Variants in MAGI1 observed in about 807,000 individuals in gnomAD.
MAGI1 encodes the protein membrane-associated guanylate kinase, WW and PDZ domain-containing protein 1.
MAGI1 carries 58 observed loss-of-function variants against 139.9 expected under a neutral mutation model. That is an observed-to-expected ratio of 0.41 (90% CI 0.34 to 0.52). The LOEUF is 0.52. Ranked by LOEUF, MAGI1 falls within the 20% of genes least tolerant of loss-of-function variation. The pLI is 0.12. For synonymous variants in MAGI1, 812 were observed against 737.9 expected, an observed-to-expected ratio of 1.10 and a Z score of -1.63; for missense variants, 1,874 against 1,901.6, an observed-to-expected ratio of 0.99 and a Z score of 0.27.
chr3:65,564,725 T>C (rs1292791982), intron 2 of MAGI1, among the ~76,000 whole-genome samples: 1 of 152,240 alleles, frequency 6.6e-6, no homozygotes, highest in Non-Finnish European at 1.5e-5. Context: ...CTAACAGTAC[T>C]CTAACCTGCA....
intron 2 of MAGI1, among the ~76,000 whole-genome samples, chr3:65,619,611 A>T (rs553401894): frequency 1.3e-5 from 2 of 152,282 alleles, no homozygotes; most frequent in South Asian, 2.1e-4. Flanking sequence ...GCATTCCCCA[A>T]ATCCACGGCT....
chr3:65,610,548 T>C (rs2082994780), intron 2 of MAGI1, among the ~76,000 whole-genome samples: 1 of 151,684 alleles, frequency 6.6e-6, no homozygotes, highest in Non-Finnish European at 1.5e-5. Context: ...AGTCACTAAT[T>C]AAGTGAACTT....
intron 3 of MAGI1, among the ~76,000 whole-genome samples, chr3:65,487,489 C>T (rs1951703481): frequency 6.6e-6 from 1 of 152,184 alleles, no homozygotes; most frequent in Non-Finnish European, 1.5e-5. Flanking sequence ...CAGGCTATGT[C>T]CCTAACTCCC....
chr3:65,991,267 G>A (rs55639643), intron 1 of MAGI1, among the ~76,000 whole-genome samples: 20,438 of 143,114 alleles, frequency 0.14, 1,612 homozygotes, highest in Middle Eastern at 0.21. Context: ...CAGTCTGGGC[G>A]ACAGAGCGAG....
At chr3:65,447,286 G>A (rs760986902) in intron 7 of MAGI1, among the ~76,000 whole-genome samples, 3 of 152,192 alleles carry the variant, frequency 2.0e-5, no homozygotes, top group African/African-American at 4.8e-5. Flanking sequence ...AGGACTGAAC[G>A]TAATAGCAAA....
chr3:65,661,808 C>T (rs1279618406), intron 1 of MAGI1, among the ~76,000 whole-genome samples: 10 of 122,616 alleles, frequency 8.2e-5, no homozygotes, highest in Non-Finnish European at 1.4e-4. Flanking sequence ...AGTGCAGTGG[C>T]GAGATCATGG....
At chr3:65,836,480 C>A (rs1486698706) in intron 1 of MAGI1, among the ~76,000 whole-genome samples, 1 of 152,090 alleles carries the variant, frequency 6.6e-6, no homozygotes, top group African/African-American at 2.4e-5. Flanking sequence ...AAAGACAGGA[C>A]CAGATAGGTA....
chr3:65,492,831 C>T (rs1055424766), intron 3 of MAGI1, among the ~76,000 whole-genome samples: 1 of 152,126 alleles, frequency 6.6e-6, no homozygotes, highest in Non-Finnish European at 1.5e-5. Flanking sequence ...GTAATCCCAG[C>T]ACTTTGGGAG....
At chr3:65,651,743 C>A (rs1394072916) in intron 1 of MAGI1, among the ~76,000 whole-genome samples, 1 of 152,058 alleles carries the variant, frequency 6.6e-6, no homozygotes, top group Non-Finnish European at 1.5e-5. Context: ...AAGAGAGAAT[C>A]CTTTTTTGCA....
chr3:65,446,422 G>T (rs1472558043), intron 7 of MAGI1, among the ~76,000 whole-genome samples: 2 of 152,208 alleles, frequency 1.3e-5, no homozygotes, highest in East Asian at 3.9e-4. Flanking sequence ...GAGAACTCAT[G>T]TTTAGAGTCT....
At chr3:65,508,530 A>T (rs2077403209) in intron 2 of MAGI1, among the ~76,000 whole-genome samples, 1 of 152,224 alleles carries the variant, frequency 6.6e-6, no homozygotes, top group South Asian at 2.1e-4. Flanking sequence ...GGCCTTTTCA[A>T]ACAAGCCTTC....
chr3:65,628,765 T>C (rs1036612027), intron 1 of MAGI1, among the ~76,000 whole-genome samples: 2 of 152,164 alleles, frequency 1.3e-5, no homozygotes, highest in African/African-American at 4.8e-5. Flanking sequence ...TCCAACTTTA[T>C]AAATGTTTCC....
intron 2 of MAGI1, among the ~76,000 whole-genome samples, chr3:65,527,673 C>A (rs553195588): frequency 6.6e-6 from 1 of 152,040 alleles, no homozygotes; most frequent in East Asian, 1.9e-4. Flanking sequence ...TGCAGTGAGC[C>A]GAGATTGGGC....
At chr3:65,595,350 G>C (rs546206360) in intron 2 of MAGI1, among the ~76,000 whole-genome samples, 1 of 152,204 alleles carries the variant, frequency 6.6e-6, no homozygotes, top group African/African-American at 2.4e-5. Flanking sequence ...GGTATCAAAC[G>C]TATAGGTTCA....
chr3:65,365,381 C>T (rs979860331), intron 18 of MAGI1, among the ~76,000 whole-genome samples: 2 of 152,282 alleles, frequency 1.3e-5, no homozygotes, highest in African/African-American at 2.4e-5. Flanking sequence ...TTTAGTGAGT[C>T]GGCTTAATTT....
intron 5 of MAGI1, among the ~76,000 whole-genome samples, chr3:65,456,686 AT>A (rs1949414121): frequency 6.6e-6 from 1 of 151,980 alleles, no homozygotes; most frequent in Non-Finnish European, 1.5e-5. Context: ...TTTGGGGTTA[AT>A]TTTTTGGTAT....
Position 66,038,087 on chromosome 3 carries a change from C to G in MAGI1, c.222G>C (p.Gln74His). ...LGEGELLLEV[Q>H]GVRVSGLPRY... ...GGGGCAAGCCGGACACCCGGACCCC[C>G]TGCACCTCCAGAAGCAGCTCCCCTT... is the stretch of plus-strand genomic sequence containing the variant. Residue 74 changes from glutamine (Q) to histidine (H), a missense_variant, in exon 1 of 23, where the codon CAG becomes CAC. Transcript: ENST00000402939. The G allele has an allele frequency of 6.2e-7, 1 of 1,613,152 alleles. No homozygotes were observed. The highest frequency in any genetic ancestry group is 2.2e-5 in the East Asian group (1 of 44,842).
chr3:65,424,869 G>A (rs1189649648), intron 12 of MAGI1, among the ~76,000 whole-genome samples: 1 of 152,030 alleles, frequency 6.6e-6, no homozygotes, highest in Non-Finnish European at 1.5e-5. Flanking sequence ...AGAATCACCA[G>A]TGGTACCTGG....
rs371930441 is a variant in MAGI1, at chr3:65,637,525, G to C, written c.314-15437C>G. Among the ~76,000 whole-genome samples the C allele has an allele frequency of 4.3e-3, 635 of 147,936 alleles. 9 individuals carry two copies. The highest frequency in any genetic ancestry group is 0.016 in the African/African-American group (614 of 38,930). On this transcript the variant is annotated intron_variant, in intron 1 of 22. Transcript: ENST00000402939. ...GACATGATGGCATCACTGCATTTCA[G>C]CCTAGGTGACATTGAGACCCTGTCT...
Sources: allele counts gnomAD v4.1 joint callset (sites outside exome capture counted in the v4.1 genomes callset), GRCh38; gene constraint gnomAD v4.1.1; transcripts MANE v1.5; gene names NCBI Gene and HGNC (gene_info 2026-07-23, HGNC 2026-07-21).